Variants in ITIH2 observed in about 807,000 individuals in gnomAD.
ITIH2 encodes the protein inter-alpha-trypsin inhibitor heavy chain 2, also known as inter-alpha-trypsin inhibitor heavy chain H2.
Under a neutral mutation model 104.4 loss-of-function variants are expected in ITIH2, and 103 were observed. The observed-to-expected ratio is 0.99, with a 90% CI of 0.84 to 1.16. ITIH2 has a LOEUF of 1.16. Ranked by LOEUF, ITIH2 falls within the 50% of genes most tolerant of loss-of-function variation. The probability of loss-of-function intolerance (pLI) is 0.00; values close to 1 mark genes in which losing one functional copy is unlikely to be tolerated. For missense variants in ITIH2, 1,108 were observed against 1,162.4 expected (o/e 0.95, Z 0.68); for synonymous variants, 436 against 435.4 (o/e 1.00, Z -0.02).
chr10:7,721,828 GCTCCTTTTTGAACAAA>G (rs1482767135), intron 8 of ITIH2, 51 bp downstream of exon 8: 1 of 1,598,656 alleles, frequency 6.3e-7, no homozygotes, highest in African/African-American at 1.3e-5. Context: ...CCAAAGAGCT[GCTCCTTTTTGAACAAA>G]CTCCCAGGCC....
chr10:7,720,848 A>G lies in ITIH2; in HGVS notation c.631-8A>G. On this transcript the variant is annotated splice_region_variant and splice_polypyrimidine_tract_variant and intron_variant, in intron 6 of 20. Coordinates refer to ENST00000358415, the MANE Select transcript of ITIH2 (RefSeq NM_002216.3). Reference sequence around the variant, plus strand: ...AATGCTTTGGGTAATTTTCTCTTGCATCTCTAGGTAGATGTGTGGGTTATC... The same window carrying G: ...AATGCTTTGGGTAATTTTCTCTTGCGTCTCTAGGTAGATGTGTGGGTTATC... The G allele has an allele frequency of 6.4e-7, 1 of 1,553,116 alleles. No homozygotes were observed. Among genetic ancestry groups the G allele is most frequent in the Non-Finnish European group, 8.9e-7 (1 of 1,126,650 alleles).
At chr10:7,717,599 AC>A (rs1332989120) in intron 5 of ITIH2, 26 bp from the exon 6 acceptor site, 1 of 1,604,696 alleles carries the variant, frequency 6.2e-7, no homozygotes. Flanking sequence ...GTATCTGTTG[AC>A]TTTTGTTGGG....
intron 1 of ITIH2, 121 bp downstream of exon 1, chr10:7,703,639 C>G (rs1310096092): frequency 6.0e-6 from 4 of 669,312 alleles, no homozygotes; most frequent in Non-Finnish European, 8.1e-6. Flanking sequence ...TAAAATTCAT[C>G]TGAGTGCAAG....
At chr10:7,735,700 T>A (rs1299191648) in intron 15 of ITIH2, among the ~76,000 whole-genome samples, 1 of 145,264 alleles carries the variant, frequency 6.9e-6, no homozygotes, top group Non-Finnish European at 1.5e-5. Context: ...TGAGACAGAG[T>A]CTTGCTCTGT....
chr10:7,709,687 G>A lies in ITIH2; in HGVS notation c.362+496G>A, dbSNP rs371809972. Reference sequence around the variant, plus strand: ...TGATGATAAACTCACTTTTCCCAAGGCAATCAACTCAGTGATTGACAGCTC... The same window carrying A: ...TGATGATAAACTCACTTTTCCCAAGACAATCAACTCAGTGATTGACAGCTC... On this transcript the variant is annotated intron_variant, in intron 4 of 20. Coordinates refer to ENST00000358415, the MANE Select transcript of ITIH2 (RefSeq NM_002216.3). Among the ~76,000 whole-genome samples, 78 of 152,224 alleles carry A rather than the reference G, an allele frequency of 5.1e-4. No homozygotes were observed. In the East Asian group the frequency reaches 9.8e-3, roughly 19 times the overall value.
At chr10:7,738,860 C>T (rs768098204) in intron 16 of ITIH2, 102 bp downstream of exon 16, 3 of 1,225,466 alleles carry the variant, frequency 2.4e-6, no homozygotes, top group East Asian at 2.8e-5. Flanking sequence ...CGCCTGTAAT[C>T]GCAGCACTTT....
At chr10:7,716,413 T>C (rs989402491) in intron 5 of ITIH2, among the ~76,000 whole-genome samples, 1 of 152,134 alleles carries the variant, frequency 6.6e-6, no homozygotes, top group African/African-American at 2.4e-5. Flanking sequence ...ACTCAGTATG[T>C]ATGTGACTAA....
chr10:7,703,910 T>A (rs376126247), intron 1 of ITIH2, among the ~76,000 whole-genome samples: 5 of 152,202 alleles, frequency 3.3e-5, no homozygotes, highest in African/African-American at 1.2e-4. Flanking sequence ...GCTGTTATGA[T>A]GATGAAGAAA....
chr10:7,746,606 G>A lies in ITIH2; in HGVS notation c.2595G>A (p.Gln865=). Residue 865 remains glutamine (Q), a synonymous_variant, in exon 20 of 21, where the codon CAG becomes CAA. Transcript: ENST00000358415. ...CTGTTTTGCTAGGCCAGTTCATGCA[G>A]GAACCAAAGATACACATCTTCAATG... ...KAHGLIGQFM[Q]EPKIHIFNER... 1 of 1,612,332 alleles carries A rather than the reference G, an allele frequency of 6.2e-7. No homozygotes were observed.
In ITIH2 at chr10:7,722,938, G is replaced by A. The variant is rs539098382; in HGVS notation, c.868-513G>A. On this transcript the variant is annotated intron_variant, in intron 8 of 20. Transcript: ENST00000358415. Reference sequence around the variant, plus strand: ...AGGGCGCCTGGAACAGGGGCTCTCTGTAAAGACTGAGTGATGTGGAGTGGA... The same window carrying A: ...AGGGCGCCTGGAACAGGGGCTCTCTATAAAGACTGAGTGATGTGGAGTGGA... Among the ~76,000 whole-genome samples, 106 of 152,216 alleles carry A rather than the reference G, an allele frequency of 7.0e-4. 1 individual carries two copies. The highest frequency in any genetic ancestry group is 2.5e-3 in the African/African-American group (102 of 41,552).
intron 14 of ITIH2, among the ~76,000 whole-genome samples, chr10:7,734,386 G>A (rs11255323): frequency 0.32 from 49,279 of 152,076 alleles, 8,782 homozygotes; most frequent in African/African-American, 0.48. Context: ...CTGCTCTAAA[G>A]TATAAAGTTT....
chr10:7,744,727 A>G (rs1835159125), intron 18 of ITIH2, 64 bp from the exon 19 acceptor site: 3 of 1,405,352 alleles, frequency 2.1e-6, no homozygotes, highest in Middle Eastern at 1.9e-4. Flanking sequence ...TAGGGGTGAG[A>G]AGAATGACTT....
intron 2 of ITIH2, among the ~76,000 whole-genome samples, chr10:7,706,724 G>A (rs529112146): frequency 6.6e-6 from 1 of 152,268 alleles, no homozygotes; most frequent in East Asian, 1.9e-4. Flanking sequence ...TTTCACTGGA[G>A]GAATTCTGCT....
chr10:7,707,236 A>G lies in ITIH2; in HGVS notation c.192+3A>G, dbSNP rs1395223458. On this transcript the variant is annotated splice_donor_region_variant and intron_variant, in intron 3 of 20. Coordinates refer to ENST00000358415, the MANE Select transcript of ITIH2 (RefSeq NM_002216.3). ...CAGGAGAATCGGAAGAAATGATGGT[A>G]AGTTGACTTGATGTTGTTACAGATT... 1.3e-6 allele frequency: 2 copies of G among 1,595,886 alleles called. No homozygotes were observed. The highest frequency in any genetic ancestry group is 1.7e-6 in the Non-Finnish European group (2 of 1,165,286).
At chr10:7,748,578 G>A (rs1294680052) in intron 20 of ITIH2, among the ~76,000 whole-genome samples, 3 of 106,796 alleles carry the variant, frequency 2.8e-5, no homozygotes, top group African/African-American at 1.1e-4. Context: ...GTCTTGCTCT[G>A]TCGCCCAGGC....
At chr10:7,746,802 T>C (rs1220825383) in intron 20 of ITIH2, 98 bp downstream of exon 20, 1 of 719,722 alleles carries the variant, frequency 1.4e-6, no homozygotes, top group Non-Finnish European at 2.5e-6. Context: ...TCGTAGGCAC[T>C]ACCTACATCA....
intron 5 of ITIH2, among the ~76,000 whole-genome samples, chr10:7,713,699 T>A (rs537446677): frequency 2.6e-5 from 4 of 152,172 alleles, no homozygotes; most frequent in Non-Finnish European, 5.9e-5. Context: ...GGGTTTTTTT[T>A]AATTGTAGTT....
chr10:7,703,704 T>A (rs1834718651), intron 1 of ITIH2, among the ~76,000 whole-genome samples, 186 bp downstream of exon 1: 1 of 152,168 alleles, frequency 6.6e-6, no homozygotes. Context: ...CATTAACAGG[T>A]TTTGCATGAA....
At chr10:7,728,940 T>C (rs1006193270) in intron 11 of ITIH2, among the ~76,000 whole-genome samples, 1 of 152,198 alleles carries the variant, frequency 6.6e-6, no homozygotes, top group African/African-American at 2.4e-5. Context: ...GTAGAGCCAA[T>C]GTTTTCTCCC....
Sources: gnomAD v4.1 joint callset for allele counts (sites outside exome capture counted in the v4.1 genomes callset) on GRCh38, gnomAD v4.1.1 for gene constraint, MANE v1.5 for transcripts, NCBI Gene and HGNC (gene_info 2026-07-23, HGNC 2026-07-21) for gene names.